Variants in CCDC30 observed in about 807,000 individuals in gnomAD.
CCDC30 encodes coiled-coil domain containing 30, also known as coiled-coil domain-containing protein 30.
CCDC30 carries 70 observed loss-of-function variants against 100.2 expected under a neutral mutation model. The ratio of observed to expected loss-of-function variants is 0.70; its 90% CI spans 0.58 to 0.85. The LOEUF (loss-of-function observed/expected upper bound fraction) is 0.85. Among genes scored for constraint, CCDC30 ranks in the 40% least tolerant of loss-of-function variants. The probability of loss-of-function intolerance (pLI) is 0.00; values close to 1 mark genes in which losing one functional copy is unlikely to be tolerated. For missense variants in CCDC30, 652 were observed against 771.2 expected (o/e 0.85, Z 1.83); for synonymous variants, 233 against 269.5 (o/e 0.86, Z 1.33).
intron 6 of CCDC30, among the ~76,000 whole-genome samples, chr1:42,546,926 A>G: frequency 6.6e-6 from 1 of 152,222 alleles, no homozygotes; most frequent in East Asian, 1.9e-4. Flanking sequence ...ATTTTGACAT[A>G]TACCATACTA....
chr1:42,528,294 G>A (rs981071211), intron 6 of CCDC30, among the ~76,000 whole-genome samples: 1 of 152,198 alleles, frequency 6.6e-6, no homozygotes, highest in Non-Finnish European at 1.5e-5. Context: ...TGTGAGAATG[G>A]CTTAAACTCT....
At chr1:42,642,722 T>C in intron 13 of CCDC30, 113 bp downstream of exon 17, 1 of 1,033,584 alleles carries the variant, frequency 9.7e-7, no homozygotes, top group African/African-American at 1.6e-5. Context: ...CCTATGACTC[T>C]CGCTCCGCTG....
At chr1:42,577,814 G>C (rs527635190) in intron 8 of CCDC30, among the ~76,000 whole-genome samples, 1 of 151,984 alleles carries the variant, frequency 6.6e-6, no homozygotes, top group South Asian at 2.1e-4. Flanking sequence ...CTAATTTTTT[G>C]TATTTTTAGT....
chr1:42,482,989 C>G (rs1643987928), intron 3 of CCDC30, 173 bp downstream of exon 3: 1 of 425,902 alleles, frequency 2.3e-6, no homozygotes, highest in Admixed American at 4.5e-5. Flanking sequence ...TGTCAAAGCC[C>G]AAGCATATCT....
At chr1:42,504,276 C>T (rs960854422) in intron 6 of CCDC30, among the ~76,000 whole-genome samples, 19 of 152,202 alleles carry the variant, frequency 1.2e-4, no homozygotes, top group African/African-American at 4.6e-4. Context: ...CACCTTCCAG[C>T]GTGGGCATTA....
chr1:42,617,093 G>T (rs1646740433), intron 11 of CCDC30, among the ~76,000 whole-genome samples: 1 of 152,216 alleles, frequency 6.6e-6, no homozygotes, highest in Non-Finnish European at 1.5e-5. Flanking sequence ...TCATAGTACT[G>T]GTCATATTGG....
At chr1:42,626,984 G>A (rs746551501) in intron 11 of CCDC30, among the ~76,000 whole-genome samples, 1 of 152,172 alleles carries the variant, frequency 6.6e-6, no homozygotes, top group Admixed American at 6.5e-5. Context: ...ATTTGGAAGC[G>A]ACTTTGGAAG....
intron 6 of CCDC30, among the ~76,000 whole-genome samples, chr1:42,543,398 T>G (rs1280458749): frequency 2.0e-5 from 3 of 152,030 alleles, no homozygotes; most frequent in Middle Eastern, 3.2e-3. Flanking sequence ...CTTGGCTCAT[T>G]GCAATCTCCA....
At chr1:42,460,464 A>T (rs1391131029), upstream of CCDC30, 13 of 795,390 alleles carry the variant, frequency 1.6e-5, no homozygotes, top group Non-Finnish European at 2.0e-5. Flanking sequence ...GGAAAGAAGG[A>T]TACCTCCCTG....
At chr1:42,495,872 T>A (rs1199571469) in intron 4 of CCDC30, among the ~76,000 whole-genome samples, 1 of 152,178 alleles carries the variant, frequency 6.6e-6, no homozygotes, top group African/African-American at 2.4e-5. Context: ...CCTTTTTAAG[T>A]GGCCAGTTAA....
At chr1:42,543,921 T>A (rs565032772) in intron 6 of CCDC30, among the ~76,000 whole-genome samples, 16 of 152,350 alleles carry the variant, frequency 1.1e-4, no homozygotes, top group African/African-American at 3.8e-4. Context: ...GTCCATTGTG[T>A]TCTTAGAATC....
chr1:42,633,052 T>C (rs1273948559), intron 11 of CCDC30, among the ~76,000 whole-genome samples: 1 of 152,082 alleles, frequency 6.6e-6, no homozygotes, highest in African/African-American at 2.4e-5. Context: ...TCAAGTGATC[T>C]GCCCGCCTCT....
At chr1:42,465,916 C>G (rs1569659913) in intron 1 of CCDC30, among the ~76,000 whole-genome samples, 1 of 152,180 alleles carries the variant, frequency 6.6e-6, no homozygotes, top group Non-Finnish European at 1.5e-5. Flanking sequence ...TGTTCTGTCA[C>G]TCTTGCTTAG....
intron 11 of CCDC30, among the ~76,000 whole-genome samples, chr1:42,633,670 G>A (rs772736937): frequency 2.6e-5 from 4 of 152,124 alleles, no homozygotes; most frequent in South Asian, 4.1e-4. Flanking sequence ...AGCACTTTGG[G>A]AAGCTGAAGT....
intron 6 of CCDC30, among the ~76,000 whole-genome samples, chr1:42,540,371 T>C (rs1362087645): frequency 6.6e-6 from 1 of 152,086 alleles, no homozygotes. Context: ...CAAGGTAAGT[T>C]ATCATCACGT....
intron 12 of CCDC30, among the ~76,000 whole-genome samples, chr1:42,638,399 C>A (rs953737975): frequency 6.6e-6 from 1 of 151,964 alleles, no homozygotes; most frequent in Non-Finnish European, 1.5e-5. Context: ...ATACTCTAAA[C>A]TATAGTGAGA....
Position 42,646,187 on chromosome 1 carries a change from C to T in CCDC30, c.1724C>T (p.Ser575Phe), listed in dbSNP as rs1647864134. 3.7e-6 allele frequency: 6 copies of T among 1,600,794 alleles called. No homozygotes were observed. The highest frequency in any genetic ancestry group is 4.3e-6 in the Non-Finnish European group (5 of 1,172,846). The change falls in exon 15 of 17, where the codon TCT becomes TTT. Residue 575 changes from serine to phenylalanine, a missense_variant. Coordinates refer to ENST00000668663, the Ensembl canonical transcript of CCDC30. ...TGGTGGCATAGAGGCAAGCTGGCTTCTCTCCCTCCAACAAAGAAACAGAAA... is the reference window on the plus strand; with the variant it reads ...TGGTGGCATAGAGGCAAGCTGGCTTTTCTCCCTCCAACAAAGAAACAGAAA...
At chr1:42,526,627 A>G (rs1327133268) in intron 6 of CCDC30, among the ~76,000 whole-genome samples, 3 of 152,128 alleles carry the variant, frequency 2.0e-5, no homozygotes, top group Non-Finnish European at 2.9e-5. Flanking sequence ...ATGACTCTCT[A>G]GACTTAATGT....
intron 11 of CCDC30, among the ~76,000 whole-genome samples, chr1:42,617,864 G>A (rs1646755034): frequency 6.6e-6 from 1 of 152,136 alleles, no homozygotes; most frequent in Non-Finnish European, 1.5e-5. Context: ...TCCTGCAAAG[G>A]CAGTCTAGTC....
Sources: allele counts gnomAD v4.1 joint callset (sites outside exome capture counted in the v4.1 genomes callset), GRCh38; gene constraint gnomAD v4.1.1; transcripts MANE v1.5; gene names NCBI Gene and HGNC (gene_info 2026-07-23, HGNC 2026-07-21).